The following HDAC9 variants were observed in gnomAD, a reference collection of about 807,000 sequenced individuals.
The protein encoded by HDAC9 is histone deacetylase 9.
HDAC9 carries 41 observed loss-of-function variants against 139.4 expected under a neutral mutation model. The observed-to-expected ratio is 0.29, with a 90% CI of 0.23 to 0.38. The LOEUF (loss-of-function observed/expected upper bound fraction) is 0.38. HDAC9 is among the 10% of genes least tolerant of loss of function. HDAC9 has a pLI of 1.00. For synonymous variants in HDAC9, 517 were observed against 476.2 expected (o/e 1.09, Z -1.12); for missense variants, 1,147 against 1,297.0 (o/e 0.88, Z 1.78).
intron 2 of HDAC9, among the ~76,000 whole-genome samples, chr7:18,516,897 A>G (rs942028489): frequency 6.6e-6 from 1 of 151,390 alleles, no homozygotes; most frequent in African/African-American, 2.4e-5. Flanking sequence ...ATAGTAATAC[A>G]TTGAGCATCT....
chr7:18,108,499 A>C (rs888583086), intron 1 of HDAC9, among the ~76,000 whole-genome samples: 4 of 152,154 alleles, frequency 2.6e-5, no homozygotes, highest in Admixed American at 1.3e-4. Context: ...TTTAAAGCTC[A>C]GTTTCTTTAT....
intron 15 of HDAC9, among the ~76,000 whole-genome samples, chr7:18,765,679 A>T (rs1362050566): frequency 6.6e-6 from 1 of 152,168 alleles, no homozygotes; most frequent in Non-Finnish European, 1.5e-5. Flanking sequence ...TCAGACACTA[A>T]AATGTACATA....
chr7:18,542,154 C>A (rs76374418), intron 2 of HDAC9, among the ~76,000 whole-genome samples: 6,102 of 152,210 alleles, frequency 0.04, 425 homozygotes, highest in African/African-American at 0.14. Context: ...TCTCTATTCA[C>A]GAACCACTGA....
At chr7:18,324,490 G>C (rs1162837619) in intron 1 of HDAC9, among the ~76,000 whole-genome samples, 1 of 152,110 alleles carries the variant, frequency 6.6e-6, no homozygotes, top group Non-Finnish European at 1.5e-5. Flanking sequence ...TTCTACAATA[G>C]CTAATTAGGC....
chr7:18,883,511 A>G (rs1310101966), intron 22 of HDAC9, among the ~76,000 whole-genome samples: 1 of 152,142 alleles, frequency 6.6e-6, no homozygotes, highest in Non-Finnish European at 1.5e-5. Context: ...AAAACTCCCA[A>G]CAAATTAGGT....
intron 1 of HDAC9, among the ~76,000 whole-genome samples, chr7:18,110,390 G>A (rs1783534812): frequency 6.6e-6 from 1 of 152,138 alleles, no homozygotes; most frequent in African/African-American, 2.4e-5. Flanking sequence ...TTCCATAGGG[G>A]TCAAGAAAAG....
chr7:18,938,230 CAAAAA>C (rs71553939), intron 23 of HDAC9, among the ~76,000 whole-genome samples: 4 of 75,350 alleles, frequency 5.3e-5, no homozygotes, highest in African/African-American at 1.0e-4. Context: ...GACTCCGTCT[CAAAAA>C]AAAAAAAAAA....
chr7:18,979,190 ACTAT>A (rs1784741128), intron 25 of HDAC9, among the ~76,000 whole-genome samples: 1 of 152,198 alleles, frequency 6.6e-6, no homozygotes, highest in Admixed American at 6.6e-5. Flanking sequence ...TTTTTGGGTA[ACTAT>A]CTAGTTTGTG....
intron 6 of HDAC9, among the ~76,000 whole-genome samples, chr7:18,613,888 A>T (rs1837862245): frequency 6.6e-6 from 1 of 151,958 alleles, no homozygotes; most frequent in Admixed American, 6.6e-5. Context: ...TTTTAACCTC[A>T]TGGGCTGCCC....
chr7:18,669,194 G>A (rs1191352239), intron 12 of HDAC9, among the ~76,000 whole-genome samples: 1 of 151,588 alleles, frequency 6.6e-6, no homozygotes, highest in Non-Finnish European at 1.5e-5. Flanking sequence ...TCCTAACTTT[G>A]CTCAACTTAA....
intron 2 of HDAC9, among the ~76,000 whole-genome samples, chr7:18,163,542 A>T (rs894479936): frequency 6.6e-6 from 1 of 152,142 alleles, no homozygotes; most frequent in South Asian, 2.1e-4. Context: ...TCCCTTGACA[A>T]TGCTGTTGCT....
chr7:18,767,327 G>T (rs969277300), intron 16 of HDAC9, among the ~76,000 whole-genome samples, 172 bp downstream of exon 16: 1 of 152,140 alleles, frequency 6.6e-6, no homozygotes, highest in African/African-American at 2.4e-5. Context: ...GGCAGCCCTT[G>T]TTAAAAATAA....
intron 6 of HDAC9, among the ~76,000 whole-genome samples, chr7:18,607,711 G>A (rs1053553312): frequency 6.6e-6 from 1 of 152,068 alleles, no homozygotes; most frequent in Non-Finnish European, 1.5e-5. Flanking sequence ...TTAGATTTCT[G>A]TTTTTTCAGT....
intron 6 of HDAC9, among the ~76,000 whole-genome samples, chr7:18,604,679 G>A (rs973481211): frequency 3.9e-5 from 6 of 152,050 alleles, no homozygotes; most frequent in South Asian, 2.1e-4. Context: ...GATTACAGGC[G>A]TGAGCCACCG....
chr7:18,831,712 G>A (rs1020354603), intron 19 of HDAC9, among the ~76,000 whole-genome samples: 5 of 152,140 alleles, frequency 3.3e-5, no homozygotes, highest in Non-Finnish European at 5.9e-5. Flanking sequence ...GTGCCACGTG[G>A]CCTTGAGACA....
At chr7:18,631,920 G>C (rs542751432) in intron 7 of HDAC9, among the ~76,000 whole-genome samples, 1 of 151,868 alleles carries the variant, frequency 6.6e-6, no homozygotes, top group South Asian at 2.1e-4. Context: ...TACAGTAGTT[G>C]TTGCCCTGAA....
At chr7:18,348,622 T>C (rs545613689) in intron 1 of HDAC9, among the ~76,000 whole-genome samples, 1 of 152,276 alleles carries the variant, frequency 6.6e-6, no homozygotes, top group East Asian at 1.9e-4. Flanking sequence ...GAGCTGTGGT[T>C]CTTACTGGCA....
At chr7:18,130,013 C>T (rs1304983157) in intron 1 of HDAC9, among the ~76,000 whole-genome samples, 1 of 152,098 alleles carries the variant, frequency 6.6e-6, no homozygotes, top group Non-Finnish European at 1.5e-5. Context: ...AAAACCAAAC[C>T]AAACCAAAAC....
At chr7:18,152,432 T>G (rs1251258103) in intron 1 of HDAC9, among the ~76,000 whole-genome samples, 5 of 152,328 alleles carry the variant, frequency 3.3e-5, no homozygotes, top group Admixed American at 2.0e-4. Flanking sequence ...TTATTTTGTT[T>G]CTTAATTGTT....
Sources: allele counts gnomAD v4.1 joint callset (sites outside exome capture counted in the v4.1 genomes callset), GRCh38; gene constraint gnomAD v4.1.1; transcripts MANE v1.5; gene names NCBI Gene and HGNC (gene_info 2026-07-23, HGNC 2026-07-21).